MACF1: variants seen among roughly 807,000 people sequenced by gnomAD.
MACF1 encodes the protein microtubule actin crosslinking factor 1.
A neutral mutation model predicts 854.8 loss-of-function variants in MACF1; 193 were observed. The ratio of observed to expected loss-of-function variants is 0.23; its 90% CI spans 0.20 to 0.25. MACF1 has a LOEUF of 0.25. Among genes scored for constraint, MACF1 ranks in the 10% least tolerant of loss-of-function variants. The pLI is 1.00. For synonymous variants in MACF1, 3,185 were observed against 3,226.7 expected (o/e 0.99, Z 0.44); for missense variants, 7,722 against 8,929.1 (o/e 0.86, Z 5.45).
At chr1:39,417,885 A>G (rs538578499) in intron 58 of MACF1, among the ~76,000 whole-genome samples, 1 of 151,876 alleles carries the variant, frequency 6.6e-6, no homozygotes, top group African/African-American at 2.4e-5. Flanking sequence ...GCCTGAGTAA[A>G]TATTATGAGT....
intron 2 of MACF1, among the ~76,000 whole-genome samples, chr1:39,127,644 T>G (rs1038092035): frequency 6.6e-6 from 1 of 152,234 alleles, no homozygotes; most frequent in Admixed American, 6.5e-5. Context: ...ATAGAACTGT[T>G]TGGCTTGAGT....
Position 39,304,170 on chromosome 1 carries a change from TC to T in MACF1, c.2789+1098del, listed in dbSNP as rs1299214378. On this transcript the variant is annotated intron_variant, in intron 23 of 100. Transcript: ENST00000564288. ...ATCTCCTAATGCTATCCCTCCCCCC[TC>T]CCCCCACCCCATCCCCCCACCCCAC... 37 of 32,426 alleles carry T rather than the reference TC, an allele frequency of 1.1e-3. 1 individual carries two copies. The highest frequency in any genetic ancestry group is 1.3e-4 in the African/African-American group (1 of 7,918). 2.0% of individuals were successfully genotyped at this position (32,426 alleles called of 1,614,324 possible).
At chr1:39,198,989 AT>A (rs1467769461) in intron 2 of MACF1, among the ~76,000 whole-genome samples, 3 of 151,724 alleles carry the variant, frequency 2.0e-5, no homozygotes, top group Non-Finnish European at 4.4e-5. Context: ...TTTTGACAGA[AT>A]TTTTTTCTTT....
Position 39,332,465 on chromosome 1 carries a change from G to A in MACF1, c.5877G>A (p.Gln1959=). 1 of 1,614,064 alleles carries A rather than the reference G, an allele frequency of 6.2e-7. No individual in the cohort carries two copies. The highest frequency in any genetic ancestry group is 1.3e-5 in the African/African-American group (1 of 75,030). The change falls in exon 37 of 101, where the codon CAG becomes CAA. Residue 1959 remains glutamine, a synonymous_variant. Coordinates refer to ENST00000564288, the MANE Select transcript of MACF1 (RefSeq NM_001394062.1). ...SKSHPKATAS[Q]SENLLFQLMT... ...GCCACCCTAAGGCCACAGCAAGCCA[G>A]AGTGAGAATCTGTTGTTCCAGCTGA...
rs527345978 is a variant in MACF1, at chr1:39,324,092, CTG to C, written c.4237-99_4237-98del. ...TTTCACAGCCCACTTATTTAGGTAA[CTG>C]TATCTGTTTTTAGGAAGACTTCATT... is the stretch of plus-strand genomic sequence containing the variant. On this transcript the variant is annotated intron_variant, in intron 33 of 100. Transcript: ENST00000564288. 6.2e-5 allele frequency: 74 copies of C among 1,197,160 alleles called. No homozygotes were observed. In the African/African-American group the frequency reaches 9.1e-4, roughly 15 times the overall value. The allele number at this position is 1,197,160 out of a possible 1,614,324, so 74.2% of individuals were successfully genotyped here.
At chr1:39,114,885 T>TA (rs1468326739) in intron 2 of MACF1, among the ~76,000 whole-genome samples, 1 of 152,142 alleles carries the variant, frequency 6.6e-6, no homozygotes, top group Non-Finnish European at 1.5e-5. Context: ...CCTGAACTGT[T>TA]ACCTAAAGGA....
Position 39,453,455 on chromosome 1 carries a change from A to C in MACF1, c.20743-252A>C, listed in dbSNP as rs528191253. 4.6e-5 allele frequency among the ~76,000 whole-genome samples: 7 copies of C among 152,296 alleles called. No homozygotes were observed. The South Asian group carries it at 1.4e-3, about 32-fold the overall frequency. On this transcript the variant is annotated intron_variant, in intron 87 of 100. Transcript: ENST00000564288. ...GAGAGAAACTAACTCGAATGGGAAA[A>C]GGGGGGCATACCTCTGTGTGTCCTA... is the stretch of plus-strand genomic sequence containing the variant.
chr1:39,385,195 G>A (rs1314040333), intron 56 of MACF1, among the ~76,000 whole-genome samples: 2 of 152,226 alleles, frequency 1.3e-5, no homozygotes, highest in Admixed American at 6.5e-5. Flanking sequence ...AGCCTCCCGA[G>A]TAGCTGGGAC....
At chr1:39,414,035 C>T (rs1426846739) in intron 58 of MACF1, 2 of 1,607,342 alleles carry the variant, frequency 1.2e-6, no homozygotes, top group Admixed American at 1.7e-5. Context: ...CCCACCTCCT[C>T]AGCAGCTGCA....
intron 43 of MACF1, among the ~76,000 whole-genome samples, chr1:39,351,623 G>A (rs924969975): frequency 8.9e-6 from 1 of 112,144 alleles, no homozygotes; most frequent in African/African-American, 3.5e-5. Flanking sequence ...GTTTTGCTCT[G>A]TTGCCAAGAC....
At chr1:39,119,029 A>G (rs112739768) in intron 2 of MACF1, among the ~76,000 whole-genome samples, 3,456 of 152,316 alleles carry the variant, frequency 0.023, 58 homozygotes, top group South Asian at 0.047. Context: ...TTTAAATATA[A>G]CAAGTGTTAT....
intron 80 of MACF1, among the ~76,000 whole-genome samples, chr1:39,445,140 T>C (rs1324192505): frequency 6.6e-6 from 1 of 152,220 alleles, no homozygotes; most frequent in Non-Finnish European, 1.5e-5. Context: ...GTTGGTATCT[T>C]GGGGTTGAGA....
chr1:39,278,804 G>T (rs965869499), intron 6 of MACF1, among the ~76,000 whole-genome samples: 1 of 152,142 alleles, frequency 6.6e-6, no homozygotes. Context: ...ATCCATTATT[G>T]TGTCCTTGGC....
At chr1:39,143,003 C>T (rs905227289) in intron 2 of MACF1, among the ~76,000 whole-genome samples, 2 of 152,162 alleles carry the variant, frequency 1.3e-5, no homozygotes, top group African/African-American at 2.4e-5. Flanking sequence ...CAAAGGAAGG[C>T]GGTGACCCGA....
At chr1:39,344,952 A>G (rs962642394) in intron 40 of MACF1, among the ~76,000 whole-genome samples, 1 of 152,058 alleles carries the variant, frequency 6.6e-6, no homozygotes, top group African/African-American at 2.4e-5. Context: ...TGGTCACCTG[A>G]CATTCTTGGA....
intron 58 of MACF1, among the ~76,000 whole-genome samples, chr1:39,399,924 T>C (rs964616201): frequency 1.3e-5 from 2 of 152,218 alleles, no homozygotes; most frequent in East Asian, 3.8e-4. Context: ...TCATAAGCCA[T>C]GTGAGCTCTA....
intron 26 of MACF1, 64 bp from the exon 27 acceptor site, chr1:39,315,449 G>C (rs1646393960): frequency 1.3e-6 from 2 of 1,491,780 alleles, no homozygotes; most frequent in East Asian, 4.5e-5. Context: ...TACAAATGTG[G>C]ACTTCTTTCT....
At chr1:39,211,049 C>T (rs966431982) in intron 1 of MACF1, among the ~76,000 whole-genome samples, 1 of 151,920 alleles carries the variant, frequency 6.6e-6, no homozygotes, top group Non-Finnish European at 1.5e-5. Flanking sequence ...TCACTGCAAC[C>T]TCTGCCTCCT....
At chr1:39,410,416 G>T (rs1642936451) in intron 58 of MACF1, 1 of 1,613,966 alleles carries the variant, frequency 6.2e-7, no homozygotes, top group African/African-American at 1.3e-5. Flanking sequence ...AATTGACCAG[G>T]GGTCAAAGCT....
Sources: allele counts gnomAD v4.1 joint callset (sites outside exome capture counted in the v4.1 genomes callset), GRCh38; gene constraint gnomAD v4.1.1; transcripts MANE v1.5; gene names NCBI Gene and HGNC (gene_info 2026-07-23, HGNC 2026-07-21).